Variants in ZSWIM6 observed in about 807,000 individuals in gnomAD.
The protein encoded by ZSWIM6 is zinc finger SWIM-type containing 6.
Under a neutral mutation model 113.2 loss-of-function variants are expected in ZSWIM6, and 9 were observed. The ratio of observed to expected loss-of-function variants is 0.08; its 90% CI spans 0.05 to 0.14. The LOEUF (loss-of-function observed/expected upper bound fraction) is 0.14, where lower values mean the gene tolerates loss of function less well. Among genes scored for constraint, ZSWIM6 ranks in the 10% least tolerant of loss-of-function variants. The probability of loss-of-function intolerance (pLI) is 1.00; values close to 1 mark genes in which losing one functional copy is unlikely to be tolerated. For synonymous variants in ZSWIM6, 611 were observed against 606.5 expected, an observed-to-expected ratio of 1.01 and a Z score of -0.11; for missense variants, 1,162 against 1,552.2, an observed-to-expected ratio of 0.75 and a Z score of 4.22.
At chr5:61,385,507 T>C (rs1293078775) in intron 1 of ZSWIM6, among the ~76,000 whole-genome samples, 1 of 152,226 alleles carries the variant, frequency 6.6e-6, no homozygotes, top group Non-Finnish European at 1.5e-5. Flanking sequence ...TTTTAGCCAT[T>C]ACTACCATTG....
At chr5:61,507,183 C>T (rs777889364) in intron 4 of ZSWIM6, among the ~76,000 whole-genome samples, 1 of 152,042 alleles carries the variant, frequency 6.6e-6, no homozygotes, top group African/African-American at 2.4e-5. Context: ...ATGGAGAAGA[C>T]CAATATTTGT....
intron 1 of ZSWIM6, among the ~76,000 whole-genome samples, chr5:61,338,357 T>C (rs767350298): frequency 1.3e-4 from 20 of 152,206 alleles, no homozygotes; most frequent in Non-Finnish European, 2.5e-4. Flanking sequence ...GTACATTTCA[T>C]TGAATGCTTT....
intron 2 of ZSWIM6, among the ~76,000 whole-genome samples, chr5:61,478,922 G>C (rs887713940): frequency 6.6e-6 from 1 of 152,082 alleles, no homozygotes; most frequent in Non-Finnish European, 1.5e-5. Flanking sequence ...TGTAATCTTG[G>C]GACTTTGGGA....
At chr5:61,482,906 A>AT (rs35924359) in intron 2 of ZSWIM6, among the ~76,000 whole-genome samples, 32 of 148,400 alleles carry the variant, frequency 2.2e-4, no homozygotes, top group East Asian at 4.0e-4. Flanking sequence ...ACTTTGGGCC[A>AT]TTTTTTTTTT....
chr5:61,515,063 T>C (rs1748894352), intron 4 of ZSWIM6, among the ~76,000 whole-genome samples: 1 of 152,230 alleles, frequency 6.6e-6, no homozygotes, highest in Non-Finnish European at 1.5e-5. Flanking sequence ...GATTATCATA[T>C]CCTCTTGAGT....
rs1277234969 is a variant in ZSWIM6 at position 61,545,124 on chromosome 5, C to T, written c.*807C>T. On this transcript the variant is annotated 3_prime_UTR_variant, in exon 14 of 14. Coordinates refer to ENST00000252744, the MANE Select transcript of ZSWIM6 (RefSeq NM_020928.2). ...AAACCTATCAGAAGGACTAAAAGTACGCCTTGCTTCAGGGTTGGCTCAGGT... is the reference window on the plus strand; with the variant it reads ...AAACCTATCAGAAGGACTAAAAGTATGCCTTGCTTCAGGGTTGGCTCAGGT... 1 of 151,394 alleles carries T rather than the reference C, an allele frequency of 6.6e-6. No homozygotes were observed. The highest frequency in any genetic ancestry group is 2.4e-5 in the African/African-American group (1 of 41,140). The allele number at this position is 151,394 out of a possible 1,614,324, so 9.4% of individuals were successfully genotyped here.
intron 9 of ZSWIM6, among the ~76,000 whole-genome samples, chr5:61,532,812 C>T (rs1749475672): frequency 6.6e-6 from 1 of 152,122 alleles, no homozygotes; most frequent in African/African-American, 2.4e-5. Flanking sequence ...CCCATCTTGA[C>T]ACTTGACAAA....
chr5:61,471,181 A>G (rs1008767943), intron 1 of ZSWIM6, among the ~76,000 whole-genome samples: 12 of 152,246 alleles, frequency 7.9e-5, no homozygotes, highest in African/African-American at 2.9e-4. Flanking sequence ...TTCACTGTGT[A>G]GCATTCAAGT....
intron 1 of ZSWIM6, among the ~76,000 whole-genome samples, chr5:61,428,631 A>T (rs1223109499): frequency 1.3e-5 from 2 of 151,902 alleles, no homozygotes; most frequent in Non-Finnish European, 2.9e-5. Context: ...TTGACCCCCT[A>T]AAGTGTTGGA....
chr5:61,412,405 C>T (rs1004266624), intron 1 of ZSWIM6, among the ~76,000 whole-genome samples: 16 of 152,140 alleles, frequency 1.1e-4, no homozygotes, highest in African/African-American at 3.9e-4. Context: ...TGTTTCAGGG[C>T]TTGAATTTAG....
At position 61,538,846 on chromosome 5, in the gene ZSWIM6, G is replaced by A; in HGVS notation, c.2414G>A (p.Gly805Glu). 1 of 1,552,146 alleles carries A rather than the reference G, an allele frequency of 6.4e-7. No individual in the cohort carries two copies. The change falls in exon 11 of 14, where the codon GGA (glycine) becomes GAA (glutamate). Residue 805 changes from glycine (G) to glutamate (E), a missense_variant. By Grantham distance (98) the Gly-to-Glu change is moderately conservative. Transcript: ENST00000252744. ...GTATTGGAATCTACTGCTCCATCAG[G>A]AGACCTCACCCGCCCACACCACATT... ...LLVLESTAPSGDLTRPHHIAS... is the reference protein window; with the variant it reads ...LLVLESTAPSEDLTRPHHIAS...
At chr5:61,539,254 C>T (rs1376208336) in intron 11 of ZSWIM6, among the ~76,000 whole-genome samples, 1 of 152,078 alleles carries the variant, frequency 6.6e-6, no homozygotes. Context: ...ACATTTTTTT[C>T]TTCCTGAAAT....
intron 1 of ZSWIM6, among the ~76,000 whole-genome samples, chr5:61,380,035 A>T (rs1461777160): frequency 6.6e-6 from 1 of 152,006 alleles, no homozygotes; most frequent in Non-Finnish European, 1.5e-5. Flanking sequence ...TAGCCTTAGG[A>T]CTATTTCATT....
chr5:61,538,979 A>G lies in ZSWIM6; in HGVS notation c.2539+8A>G. The G allele has an allele frequency of 6.5e-7, 1 of 1,546,092 alleles. No individual in the cohort carries two copies. The highest frequency in any genetic ancestry group is 8.7e-7 in the Non-Finnish European group (1 of 1,144,924). On this transcript the variant is annotated splice_region_variant and intron_variant, in intron 11 of 13. Coordinates refer to ENST00000252744, the MANE Select transcript of ZSWIM6 (RefSeq NM_020928.2). The stretch of plus-strand genomic sequence containing the variant: ...TGCTAACTGCAGCCAAAGGTACTGT[A>G]CTGTCCTGAGGCCTCATAATTGTTT...
At chr5:61,426,058 G>A (rs1240425100) in intron 1 of ZSWIM6, among the ~76,000 whole-genome samples, 1 of 152,148 alleles carries the variant, frequency 6.6e-6, no homozygotes, top group Non-Finnish European at 1.5e-5. Context: ...TTTACACTCA[G>A]CTATGGAAAC....
intron 1 of ZSWIM6, among the ~76,000 whole-genome samples, chr5:61,410,864 G>T (rs982982914): frequency 6.6e-6 from 1 of 152,176 alleles, no homozygotes; most frequent in Non-Finnish European, 1.5e-5. Context: ...CCAGTTATAC[G>T]ACTTTGTCCA....
At chr5:61,477,139 A>G (rs1390229952) in intron 2 of ZSWIM6, among the ~76,000 whole-genome samples, 3 of 152,084 alleles carry the variant, frequency 2.0e-5, no homozygotes, top group Non-Finnish European at 4.4e-5. Flanking sequence ...CTTTTCGTAC[A>G]CTAATCTTCC....
At chr5:61,343,411 A>T (rs574495375) in intron 1 of ZSWIM6, among the ~76,000 whole-genome samples, 1 of 152,394 alleles carries the variant, frequency 6.6e-6, no homozygotes, top group South Asian at 2.1e-4. Flanking sequence ...GAAAATATAC[A>T]TGAGAAGATA....
chr5:61,406,098 C>T (rs115601950), intron 1 of ZSWIM6, among the ~76,000 whole-genome samples: 103 of 152,240 alleles, frequency 6.8e-4, no homozygotes, highest in African/African-American at 2.3e-3. Flanking sequence ...TCTCTTCCCT[C>T]CAGTCTTGGC....
Sources: gnomAD v4.1 joint callset for allele counts (sites outside exome capture counted in the v4.1 genomes callset) on GRCh38, gnomAD v4.1.1 for gene constraint, MANE v1.5 for transcripts, NCBI Gene and HGNC (gene_info 2026-07-23, HGNC 2026-07-21) for gene names.